The following TP63 variants were observed in gnomAD, a reference collection of about 807,000 sequenced individuals.
TP63 encodes the protein tumor protein p63.
TP63 carries 17 observed loss-of-function variants against 82.8 expected under a neutral mutation model. The ratio of observed to expected loss-of-function variants is 0.21; its 90% confidence interval spans 0.14 to 0.31. TP63 has a LOEUF of 0.31. Among genes scored for constraint, TP63 ranks in the 10% least tolerant of loss-of-function variants. The pLI is 1.00. For synonymous variants in TP63, 330 were observed against 321.7 expected (o/e 1.03, Z -0.28); for missense variants, 648 against 895.3 (o/e 0.72, Z 3.52).
At chr3:189,668,227 G>GA (rs199898460) in intron 1 of TP63, among the ~76,000 whole-genome samples, 5,933 of 150,132 alleles carry the variant, frequency 0.04, 147 homozygotes, top group Middle Eastern at 0.055. Context: ...CAATTTTCTG[G>GA]AAAAAAAAAT....
the TP63 span, among the ~76,000 whole-genome samples, chr3:189,598,387 G>A: frequency 3.3e-5 from 5 of 151,462 alleles, no homozygotes; most frequent in Non-Finnish European, 5.9e-5. Flanking sequence ...AAGAAGTAGG[G>A]GAGAGAAAGA....
At chr3:189,702,898 A>G (rs1444232723) in intron 1 of TP63, among the ~76,000 whole-genome samples, 1 of 152,240 alleles carries the variant, frequency 6.6e-6, no homozygotes, top group Non-Finnish European at 1.5e-5. Flanking sequence ...TTAATAAATC[A>G]CATCATTAAC....
intron 3 of TP63, chr3:189,789,702 T>C (rs1489440303): frequency 1.4e-6 from 2 of 1,462,430 alleles, no homozygotes; most frequent in Non-Finnish European, 1.8e-6. Flanking sequence ...TGTTATCTTC[T>C]TAAGTAGATT....
chr3:189,812,492 T>C (rs1393718671), intron 4 of TP63, among the ~76,000 whole-genome samples: 1 of 152,218 alleles, frequency 6.6e-6, no homozygotes, highest in Admixed American at 6.5e-5. Flanking sequence ...AGCATTGTAG[T>C]TGGGAATCGT....
chr3:189,728,079 C>A (rs1719896840), intron 1 of TP63, among the ~76,000 whole-genome samples: 1 of 151,728 alleles, frequency 6.6e-6, no homozygotes, highest in South Asian at 2.1e-4. Context: ...GTCTGAAGAG[C>A]TTTGCCTAAG....
At chr3:189,687,128 A>G (rs1333845922) in intron 1 of TP63, among the ~76,000 whole-genome samples, 1 of 152,096 alleles carries the variant, frequency 6.6e-6, no homozygotes, top group Non-Finnish European at 1.5e-5. Context: ...AGTGGTCTAC[A>G]GATCTGTACA....
At chr3:189,865,554 A>G (rs1717621650) in intron 5 of TP63, among the ~76,000 whole-genome samples, 1 of 152,212 alleles carries the variant, frequency 6.6e-6, no homozygotes, top group Non-Finnish European at 1.5e-5. Flanking sequence ...GGGGGTTAGG[A>G]TACTTTATAG....
intron 3 of TP63, among the ~76,000 whole-genome samples, chr3:189,781,880 C>G (rs937614899): frequency 1.3e-5 from 2 of 152,136 alleles, no homozygotes; most frequent in African/African-American, 4.8e-5. Flanking sequence ...AGTTGTCTGT[C>G]TTCATCAATA....
intron 3 of TP63, among the ~76,000 whole-genome samples, chr3:189,747,743 C>T (rs1038837074): frequency 6.6e-6 from 1 of 151,840 alleles, no homozygotes; most frequent in Non-Finnish European, 1.5e-5. Flanking sequence ...CAGAGCAGAA[C>T]TAAACAAAAT....
intron 4 of TP63, among the ~76,000 whole-genome samples, chr3:189,859,158 G>T (rs1055902364): frequency 1.3e-5 from 2 of 152,024 alleles, no homozygotes; most frequent in African/African-American, 2.4e-5. Flanking sequence ...AATGTTTAAG[G>T]CGATGGATAT....
chr3:189,778,925 G>A (rs1724022739), intron 3 of TP63, among the ~76,000 whole-genome samples: 2 of 152,266 alleles, frequency 1.3e-5, no homozygotes, highest in Admixed American at 6.5e-5. Context: ...TAGCAACCAA[G>A]TTACAAATAA....
At chr3:189,728,172 TAAA>T (rs112123067) in intron 1 of TP63, among the ~76,000 whole-genome samples, 48 of 142,854 alleles carry the variant, frequency 3.4e-4, no homozygotes, top group East Asian at 8.1e-4. Flanking sequence ...GTTTCGTTTA[TAAA>T]AAAAAAAAAA....
At chr3:189,622,316 A>C in the TP63 span, among the ~76,000 whole-genome samples, 1 of 152,238 alleles carries the variant, frequency 6.6e-6, no homozygotes, top group Non-Finnish European at 1.5e-5. Context: ...TTGACTGCGC[A>C]CAAATGTATT....
At chr3:189,809,587 TATC>T (rs1727308544) in intron 4 of TP63, among the ~76,000 whole-genome samples, 2 of 152,358 alleles carry the variant, frequency 1.3e-5, no homozygotes, top group Non-Finnish European at 2.9e-5. Flanking sequence ...TGCTTCCAAA[TATC>T]ATCATCTTAA....
rs565131166 is a variant in TP63, at chr3:189,853,687, C to T, written c.580-10545C>T. Reference sequence around the variant, plus strand: ...CCCTGATTTACTTTTTCTTATAGCACTTATCACTATCTGACATAGTAGTTA... The same window carrying T: ...CCCTGATTTACTTTTTCTTATAGCATTTATCACTATCTGACATAGTAGTTA... On this transcript the variant is annotated intron_variant, in intron 4 of 13. Coordinates refer to ENST00000264731, the MANE Select transcript of TP63 (RefSeq NM_003722.5). Among the ~76,000 whole-genome samples, 7 of 152,278 alleles carry T rather than the reference C, an allele frequency of 4.6e-5. No homozygotes were observed. In the East Asian group the frequency reaches 9.6e-4, roughly 21 times the overall value.
At chr3:189,685,263 G>C (rs972818965) in intron 1 of TP63, among the ~76,000 whole-genome samples, 14 of 152,140 alleles carry the variant, frequency 9.2e-5, no homozygotes, top group Non-Finnish European at 1.8e-4. Context: ...GGTTAGAGTT[G>C]ATAAAGGCAG....
chr3:189,798,105 T>G (rs1315946099), intron 3 of TP63, among the ~76,000 whole-genome samples: 1 of 152,066 alleles, frequency 6.6e-6, no homozygotes, highest in Non-Finnish European at 1.5e-5. Context: ...CACTCAGTAA[T>G]GTTCCCTGAA....
intron 1 of TP63, among the ~76,000 whole-genome samples, chr3:189,635,566 G>C (rs1298495117): frequency 2.0e-5 from 3 of 151,962 alleles, no homozygotes; most frequent in Non-Finnish European, 4.4e-5. Flanking sequence ...GGTTTCCCTG[G>C]CTGACTCCCT....
rs183015740 is a variant in TP63 at position 189,872,771 on chromosome 3, G to T, written c.1213-88G>T. 4.5e-6 allele frequency: 7 copies of T among 1,561,310 alleles called. No individual in the cohort carries two copies. In the African/African-American group the frequency reaches 6.8e-5, roughly 15 times the overall value. On this transcript the variant is annotated intron_variant, in intron 9 of 13. Coordinates refer to ENST00000264731, the MANE Select transcript of TP63 (RefSeq NM_003722.5). ...TAGCAAATAAACAAATTGCAATTACGGAATCCTCAAATAATGAGGATTGAC... is the reference window on the plus strand; with the variant it reads ...TAGCAAATAAACAAATTGCAATTACTGAATCCTCAAATAATGAGGATTGAC...
Sources: allele counts gnomAD v4.1 joint callset (sites outside exome capture counted in the v4.1 genomes callset), GRCh38; gene constraint gnomAD v4.1.1; transcripts MANE v1.5; gene names NCBI Gene and HGNC (gene_info 2026-07-23, HGNC 2026-07-21).